Variants in CBFA2T3 observed in about 807,000 individuals in gnomAD.
CBFA2T3 encodes transcriptional corepressor CBFA2T3.
In CBFA2T3, 31 loss-of-function variants were observed where a neutral mutation model predicts 58.6. The ratio of observed to expected loss-of-function variants is 0.53; its 90% CI spans 0.40 to 0.71. The LOEUF (loss-of-function observed/expected upper bound fraction) is 0.71, where lower values mean the gene tolerates loss of function less well. Among genes scored for constraint, CBFA2T3 ranks in the 30% least tolerant of loss-of-function variants. The pLI, the probability that CBFA2T3 is intolerant of heterozygous loss-of-function variation, is 0.00. For missense variants in CBFA2T3, 1,076 were observed against 963.1 expected, an observed-to-expected ratio of 1.12 and a Z score of -1.55; for synonymous variants, 531 against 421.9, an observed-to-expected ratio of 1.26 and a Z score of -3.17.
chr16:88,909,443 C>T (rs1024811298), intron 1 of CBFA2T3, among the ~76,000 whole-genome samples: 12 of 152,216 alleles, frequency 7.9e-5, no homozygotes, highest in South Asian at 2.1e-4. Context: ...GCAACCCCAG[C>T]GGCGGCTGGG....
At chr16:88,946,594 T>C (rs1971908364) in intron 1 of CBFA2T3, among the ~76,000 whole-genome samples, 1 of 151,058 alleles carries the variant, frequency 6.6e-6, no homozygotes, top group African/African-American at 2.4e-5. Context: ...GCAATTCTCC[T>C]GCCTCAGCCT....
intron 5 of CBFA2T3, 73 bp from the exon 6 acceptor site, chr16:88,886,215 G>A: frequency 8.4e-7 from 1 of 1,184,650 alleles, no homozygotes; most frequent in African/African-American, 1.6e-5. Flanking sequence ...AGCAGAGGGG[G>A]CCTGGGCTGG....
chr16:88,909,835 T>A (rs999378123), intron 1 of CBFA2T3, among the ~76,000 whole-genome samples: 1 of 152,222 alleles, frequency 6.6e-6, no homozygotes, highest in African/African-American at 2.4e-5. Flanking sequence ...GAGCCAGGAA[T>A]GGAGCCCCAG....
intron 1 of CBFA2T3, among the ~76,000 whole-genome samples, chr16:88,971,329 C>T (rs1972650503): frequency 6.6e-6 from 1 of 152,190 alleles, no homozygotes; most frequent in African/African-American, 2.4e-5. Flanking sequence ...AGACTGGTCT[C>T]GGAATCCTGG....
At chr16:88,974,371 T>A (rs898507253) in intron 1 of CBFA2T3, among the ~76,000 whole-genome samples, 1 of 151,956 alleles carries the variant, frequency 6.6e-6, no homozygotes, top group African/African-American at 2.4e-5. Flanking sequence ...GTGAGGGGGC[T>A]GGTGAAGGAG....
chr16:88,888,709 ATCTT>A (rs1465038624), intron 5 of CBFA2T3, among the ~76,000 whole-genome samples: 1 of 149,762 alleles, frequency 6.7e-6, no homozygotes, highest in Non-Finnish European at 1.5e-5. Flanking sequence ...TGGCCGCAAG[ATCTT>A]TATTTTTTAT....
intron 1 of CBFA2T3, chr16:88,940,066 C>A (rs1971659765): frequency 6.5e-6 from 1 of 152,898 alleles, no homozygotes; most frequent in African/African-American, 2.4e-5. Flanking sequence ...GCTGGGGCCA[C>A]AAGCCTGACA....
At position 88,877,282 on chromosome 16, in the gene CBFA2T3, G is replaced by A. The variant is rs536347731; in HGVS notation, c.1663-7C>T. 34 of 1,538,578 alleles carry A rather than the reference G, an allele frequency of 2.2e-5. No homozygotes were observed. The East Asian group carries it at 3.5e-4, about 16-fold the overall frequency. ...GCCCGCAGTTCCAGCAGCTCTGGGT[G>A]GGGGCAGAGGGGCCAGTCAGGGCTG... On this transcript the variant is annotated splice_polypyrimidine_tract_variant and splice_region_variant and intron_variant, in intron 11 of 11. Transcript: ENST00000268679.
chr16:88,959,114 C>T (rs1309446665), intron 1 of CBFA2T3, among the ~76,000 whole-genome samples: 2 of 152,300 alleles, frequency 1.3e-5, no homozygotes, highest in African/African-American at 2.4e-5. Context: ...GGAGGGGCAG[C>T]GCCCTGCTGA....
chr16:88,926,178 C>T (rs541197643), intron 1 of CBFA2T3, among the ~76,000 whole-genome samples: 3 of 152,340 alleles, frequency 2.0e-5, no homozygotes, highest in Non-Finnish European at 2.9e-5. Context: ...GAGCCGCAGC[C>T]GGGGGTACAA....
chr16:88,951,184 A>G (rs768785152), intron 1 of CBFA2T3: 4 of 373,028 alleles, frequency 1.1e-5, no homozygotes, highest in South Asian at 7.5e-5. Context: ...GAGTGTTGGC[A>G]CCTGTCTTCC....
At chr16:88,891,342 C>G (rs1969622391) in intron 5 of CBFA2T3, among the ~76,000 whole-genome samples, 1 of 152,194 alleles carries the variant, frequency 6.6e-6, no homozygotes, top group Non-Finnish European at 1.5e-5. Flanking sequence ...CGCCCTCATC[C>G]TCAGCCCTCA....
chr16:88,973,328 G>C (rs1004257970), intron 1 of CBFA2T3, among the ~76,000 whole-genome samples: 4 of 152,198 alleles, frequency 2.6e-5, no homozygotes, highest in African/African-American at 9.7e-5. Flanking sequence ...TAGTGGCTGC[G>C]GCACGGCGGC....
intron 10 of CBFA2T3, 183 bp from the exon 11 acceptor site, chr16:88,879,643 C>G: frequency 1.7e-6 from 1 of 577,512 alleles, no homozygotes; most frequent in Non-Finnish European, 3.1e-6. Flanking sequence ...AGCATCTGTG[C>G]ACACACAGAC....
At chr16:88,919,691 CT>C (rs1970849499) in intron 1 of CBFA2T3, among the ~76,000 whole-genome samples, 1 of 152,210 alleles carries the variant, frequency 6.6e-6, no homozygotes, top group African/African-American at 2.4e-5. Context: ...ACCCCAGTTA[CT>C]TCTGAGCACG....
intron 1 of CBFA2T3, among the ~76,000 whole-genome samples, chr16:88,905,935 A>G (rs1460796348): frequency 1.3e-5 from 2 of 150,024 alleles, no homozygotes; most frequent in Non-Finnish European, 2.9e-5. Context: ...GCAGGGAGGC[A>G]CCGTGGGTCC....
intron 1 of CBFA2T3, among the ~76,000 whole-genome samples, chr16:88,906,428 T>TG (rs1970335602): frequency 6.6e-6 from 1 of 152,188 alleles, no homozygotes; most frequent in Non-Finnish European, 1.5e-5. Context: ...TTGCTGACCC[T>TG]GCTCCCCGCT....
intron 1 of CBFA2T3, among the ~76,000 whole-genome samples, chr16:88,913,957 C>T (rs1421405761): frequency 6.6e-6 from 1 of 152,182 alleles, no homozygotes; most frequent in Non-Finnish European, 1.5e-5. Flanking sequence ...AGAGCCAACC[C>T]ACAGACACAG....
At chr16:88,894,100 G>A (rs866975743) in intron 3 of CBFA2T3, among the ~76,000 whole-genome samples, 49 of 152,174 alleles carry the variant, frequency 3.2e-4, no homozygotes, top group Admixed American at 9.2e-4. Context: ...CCTGCCCTCA[G>A]AGCGAGCCCT....
Sources: gnomAD v4.1 joint callset for allele counts (sites outside exome capture counted in the v4.1 genomes callset) on GRCh38, gnomAD v4.1.1 for gene constraint, MANE v1.5 for transcripts, NCBI Gene and HGNC (gene_info 2026-07-23, HGNC 2026-07-21) for gene names.